Variants in WNK3 observed in about 807,000 individuals in gnomAD.
The protein encoded by WNK3 is serine/threonine-protein kinase WNK3.
Under a neutral mutation model 116.7 loss-of-function variants are expected in WNK3, and 18 were observed. The ratio of observed to expected loss-of-function variants is 0.15; its 90% CI spans 0.11 to 0.23. WNK3 has a LOEUF of 0.23. Among genes scored for constraint, WNK3 ranks in the 10% least tolerant of loss-of-function variants. WNK3 has a pLI of 1.00. For missense variants in WNK3, 993 were observed against 1,323.8 expected (o/e 0.75, Z 3.88); for synonymous variants, 404 against 469.4 (o/e 0.86, Z 1.80).
chrX:54,258,820 A>G (rs2068225739), intron 11 of WNK3, among the ~76,000 whole-genome samples: 1 of 110,493 alleles, frequency 9.1e-6, no homozygotes, highest in Non-Finnish European at 1.9e-5. Context: ...TAGGCATAAT[A>G]GTAGAATGAA....
At chrX:54,315,482 A>T (rs782189061) in intron 2 of WNK3, among the ~76,000 whole-genome samples, 2 of 110,750 alleles carry the variant, frequency 1.8e-5, no homozygotes, top group South Asian at 7.7e-4. Flanking sequence ...CATCTTTTCA[A>T]CTATTACATA....
intron 7 of WNK3, among the ~76,000 whole-genome samples, chrX:54,296,460 T>C (rs1235260595): frequency 1.8e-5 from 2 of 110,796 alleles, no homozygotes; most frequent in Non-Finnish European, 3.8e-5. Flanking sequence ...GAGTGGCTTC[T>C]AGGAGCTGAA....
chrX:54,327,424 GCAAA>G (rs1285933062), intron 2 of WNK3, among the ~76,000 whole-genome samples: 1 of 111,482 alleles, frequency 9.0e-6, no homozygotes, highest in Non-Finnish European at 1.9e-5. Context: ...TCTACAAAAA[GCAAA>G]CAAACAGAAT....
At chrX:54,247,298 T>A (rs2146920164) in intron 17 of WNK3, among the ~76,000 whole-genome samples, 1 of 111,088 alleles carries the variant, frequency 9.0e-6, no homozygotes, top group Admixed American at 9.7e-5. Flanking sequence ...AAGATTCGAA[T>A]CACATTATGT....
At chrX:54,224,417 AAAT>A (rs1557147246) in intron 22 of WNK3, among the ~76,000 whole-genome samples, 6 of 109,920 alleles carry the variant, frequency 5.5e-5, no homozygotes, top group Admixed American at 4.9e-4. Context: ...TTTTCTGGAC[AAAT>A]AATAATAATA....
chrX:54,341,582 C>T (rs2069325153), intron 1 of WNK3, among the ~76,000 whole-genome samples: 3 of 109,361 alleles, frequency 2.7e-5, no homozygotes, highest in African/African-American at 6.7e-5. Flanking sequence ...GGCAATATAG[C>T]GAGGTCCCAT....
intron 22 of WNK3, among the ~76,000 whole-genome samples, chrX:54,213,528 A>C (rs1354088171): frequency 1.4e-4 from 13 of 92,079 alleles, no homozygotes; most frequent in Non-Finnish European, 2.5e-4. Context: ...CACTCCAGCC[A>C]GGGCGACAGA....
At chrX:54,321,428 C>G (rs1981608538) in intron 2 of WNK3, among the ~76,000 whole-genome samples, 1 of 111,451 alleles carries the variant, frequency 9.0e-6, no homozygotes, top group Non-Finnish European at 1.9e-5. Context: ...ACTACTCTGC[C>G]TCTCAGAAAC....
At chrX:54,192,973 CA>C (rs1339999293) in exon 24 of WNK3, 2 of 101,074 alleles carry the variant, frequency 2.0e-5, no homozygotes, top group African/African-American at 7.3e-5. Flanking sequence ...TTCAAAGAAC[CA>C]AAATAAGACA....
At chrX:54,314,192 CA>C (rs1384345291) in intron 2 of WNK3, among the ~76,000 whole-genome samples, 1,940 of 39,633 alleles carry the variant, frequency 0.049, 68 homozygotes, top group African/African-American at 0.16. Context: ...GACTCTGTCT[CA>C]AAAAAAAAAA....
At chrX:54,237,077 A>G (rs2067969596) in exon 20 of WNK3, 7 of 1,212,047 alleles carry the variant, frequency 5.8e-6, no homozygotes, top group Non-Finnish European at 7.8e-6. Context: ...TGGTGTGGTA[A>G]GCACTGATTA....
chrX:54,279,948 T>C lies in WNK3; in HGVS notation c.2037+12940A>G, dbSNP rs782125526. On this transcript the variant is annotated intron_variant, in intron 10 of 23. Coordinates refer to ENST00000354646, the Ensembl canonical transcript of WNK3. ...AGATTAGGAAAAGCAGGATATTTGC[T>C]CTCAACTCCTACTCAACATTATACT... Among the ~76,000 whole-genome samples, 5 of 112,575 alleles carry C rather than the reference T, an allele frequency of 4.4e-5. 1 individual carries two copies. The South Asian group carries it at 1.8e-3, about 41-fold the overall frequency.
intron 21 of WNK3, among the ~76,000 whole-genome samples, chrX:54,229,729 T>C (rs782323966): frequency 2.7e-5 from 3 of 111,162 alleles, no homozygotes; most frequent in Non-Finnish European, 5.7e-5. Context: ...GACACATATA[T>C]GGCTAATTGA....
At chrX:54,336,520 T>C (rs2069240228) in intron 1 of WNK3, among the ~76,000 whole-genome samples, 1 of 111,490 alleles carries the variant, frequency 9.0e-6, no homozygotes, top group Non-Finnish European at 1.9e-5. Context: ...GATAATTAGC[T>C]GATCCAGGCA....
exon 18 of WNK3, chrX:54,239,042 A>T (rs2067993681): frequency 8.3e-7 from 1 of 1,206,757 alleles, no homozygotes; most frequent in African/African-American, 1.8e-5. Context: ...CCACCGCTTG[A>T]CACAGCAGCA....
intron 1 of WNK3, among the ~76,000 whole-genome samples, chrX:54,339,971 G>A (rs2069297583): frequency 9.0e-6 from 1 of 111,017 alleles, no homozygotes; most frequent in African/African-American, 3.3e-5. Context: ...CCAACATGGT[G>A]AAAACCCATC....
chrX:54,320,558 T>C (rs1053553998), intron 2 of WNK3, among the ~76,000 whole-genome samples: 1 of 112,097 alleles, frequency 8.9e-6, no homozygotes, highest in Non-Finnish European at 1.9e-5. Context: ...TCTCACTCTG[T>C]GTTGCCCAGG....
intron 1 of WNK3, among the ~76,000 whole-genome samples, chrX:54,344,024 T>A: frequency 8.9e-6 from 1 of 111,844 alleles, no homozygotes; most frequent in Non-Finnish European, 1.9e-5. Context: ...ATTAGAATAA[T>A]TTAATTTAGC....
chrX:54,295,000 G>A (rs782782176), intron 7 of WNK3, among the ~76,000 whole-genome samples, 153 bp from the exon 8 acceptor site: 8 of 107,177 alleles, frequency 7.5e-5, no homozygotes. Flanking sequence ...AGGTTCAAGC[G>A]ATTCTCCTGC....
Sources: gnomAD v4.1 joint callset for allele counts (sites outside exome capture counted in the v4.1 genomes callset) on GRCh38, gnomAD v4.1.1 for gene constraint, MANE v1.5 for transcripts, NCBI Gene and HGNC (gene_info 2026-07-23, HGNC 2026-07-21) for gene names.